APBB2: variants seen among roughly 807,000 people sequenced by gnomAD.
APBB2 encodes Fe65-like 1.
In APBB2, 38 loss-of-function variants were observed where a neutral mutation model predicts 82.5. The observed-to-expected ratio is 0.46, with a 90% CI of 0.36 to 0.60. The LOEUF (loss-of-function observed/expected upper bound fraction) is 0.60, where lower values mean the gene tolerates loss of function less well. APBB2 is among the 20% of genes least tolerant of loss of function. The pLI is 0.00. For missense variants in APBB2, 772 were observed against 972.3 expected, an observed-to-expected ratio of 0.79 and a Z score of 2.74; for synonymous variants, 341 against 368.2, an observed-to-expected ratio of 0.93 and a Z score of 0.85.
chr4:40,918,700 G>A (rs1211170950), intron 10 of APBB2, among the ~76,000 whole-genome samples: 5 of 145,190 alleles, frequency 3.4e-5, no homozygotes, highest in Admixed American at 6.8e-5. Context: ...TCTTTCGGAC[G>A]ACTTCCTTCC....
chr4:41,165,605 G>A (rs1766311255), intron 1 of APBB2, among the ~76,000 whole-genome samples: 2 of 152,050 alleles, frequency 1.3e-5, no homozygotes, highest in African/African-American at 4.8e-5. Context: ...CTAACTATGT[G>A]CTTAGCAATT....
intron 7 of APBB2, among the ~76,000 whole-genome samples, chr4:40,940,507 T>A (rs1020045796): frequency 6.6e-6 from 1 of 152,106 alleles, no homozygotes; most frequent in Non-Finnish European, 1.5e-5. Flanking sequence ...CTTGACTGAG[T>A]GAAGAAGTTC....
intron 1 of APBB2, among the ~76,000 whole-genome samples, chr4:41,186,284 A>G (rs115562413): frequency 0.02 from 2,997 of 152,336 alleles, 44 homozygotes; most frequent in Non-Finnish European, 0.028. Flanking sequence ...TGAACTAAAA[A>G]TAGTAATCAC....
intron 6 of APBB2, among the ~76,000 whole-genome samples, chr4:40,981,124 G>C (rs1423530962): frequency 6.6e-6 from 1 of 152,204 alleles, no homozygotes; most frequent in Admixed American, 6.5e-5. Context: ...CTTGTTTATA[G>C]TGCTAGGGTT....
intron 1 of APBB2, among the ~76,000 whole-genome samples, chr4:41,158,823 T>A (rs1764127242): frequency 6.6e-6 from 1 of 152,136 alleles, no homozygotes; most frequent in Non-Finnish European, 1.5e-5. Context: ...TCTGTCCCGT[T>A]TCTCAAGGTC....
Position 41,127,465 on chromosome 4 carries a change from G to T in APBB2, c.-261+15522C>A, listed in dbSNP as rs1754721574. 6.6e-6 allele frequency among the ~76,000 whole-genome samples: 1 copy of T among 152,198 alleles called. No homozygotes were observed. Among genetic ancestry groups the T allele is most frequent in the African/African-American group, 2.4e-5 (1 of 41,456 alleles). On this transcript the variant is annotated intron_variant, in intron 2 of 17. Coordinates refer to ENST00000508593, the MANE Select transcript of APBB2 (RefSeq NM_004307.2). The surrounding 1 kb of genome is among the most constrained non-coding windows in gnomAD (Gnocchi z 4.8). ...AGCCATTCACTTCTTGGCATGAAAG[G>T]TTGCCTACTGCTGTGTTAATCTAGA...
chr4:40,915,254 C>T (rs1779562721), intron 10 of APBB2, among the ~76,000 whole-genome samples: 1 of 151,960 alleles, frequency 6.6e-6, no homozygotes, highest in Admixed American at 6.6e-5. Flanking sequence ...GGGAAGCCTC[C>T]CTGATTACTT....
At chr4:41,079,080 G>A (rs1736629026) in intron 3 of APBB2, among the ~76,000 whole-genome samples, 1 of 152,230 alleles carries the variant, frequency 6.6e-6, no homozygotes, top group Admixed American at 6.5e-5. Context: ...AAAGGCTGAA[G>A]TGACAGAGTT....
At chr4:41,208,804 CATTT>C (rs1224518828) in intron 1 of APBB2, among the ~76,000 whole-genome samples, 1 of 152,202 alleles carries the variant, frequency 6.6e-6, no homozygotes, top group Admixed American at 6.5e-5. Context: ...CTATACCATT[CATTT>C]CTTTCCATGT....
rs757860618 is a variant in APBB2, at chr4:40,987,714, T to C, written c.835+25869A>G. 2.0e-5 allele frequency among the ~76,000 whole-genome samples: 3 copies of C among 152,186 alleles called. 1 individual carries two copies. Among genetic ancestry groups the C allele is most frequent in the East Asian group, 1.9e-4 (1 of 5,188 alleles). On this transcript the variant is annotated intron_variant, in intron 6 of 17. Coordinates refer to ENST00000508593, the MANE Select transcript of APBB2 (RefSeq NM_004307.2). The stretch of plus-strand genomic sequence containing the variant: ...AGGCAGAAGAGCTTCGGTAAGTAGA[T>C]ATGTACCATCATGTTTGTGAGTGCC...
chr4:41,206,765 T>C (rs1370389357), intron 1 of APBB2, among the ~76,000 whole-genome samples: 1 of 152,180 alleles, frequency 6.6e-6, no homozygotes, highest in African/African-American at 2.4e-5. Flanking sequence ...AAATTCTGAT[T>C]TATTCACTTC....
At chr4:41,099,354 G>A (rs1296018334) in intron 3 of APBB2, among the ~76,000 whole-genome samples, 8 of 152,036 alleles carry the variant, frequency 5.3e-5, no homozygotes, top group African/African-American at 1.7e-4. Context: ...TCAGGCTTCC[G>A]AGTAGCTGGG....
rs532280322 is a variant in APBB2, at chr4:40,965,618, T to A, written c.836-20545A>T. 3.9e-5 allele frequency among the ~76,000 whole-genome samples: 6 copies of A among 152,378 alleles called. No individual in the cohort carries two copies. In the South Asian group the frequency reaches 1.2e-3, roughly 32 times the overall value. ...TGTCAAAATGATATTTTTTATATAT[T>A]GAGTTAAATAAAATAGATGATTAAA... is the stretch of plus-strand genomic sequence containing the variant. On this transcript the variant is annotated intron_variant, in intron 6 of 17. Coordinates refer to ENST00000508593, the MANE Select transcript of APBB2 (RefSeq NM_004307.2).
chr4:41,069,491 G>C lies in APBB2; in HGVS notation c.-148-3818C>G, dbSNP rs972782351. On this transcript the variant is annotated intron_variant, in intron 3 of 17. Coordinates refer to ENST00000508593, the MANE Select transcript of APBB2 (RefSeq NM_004307.2). ...CTCAAAAACTCTAAGACTGCTCTGC[G>C]GTTTGTCTATTCTGTTAACAGGAAC... Among the ~76,000 whole-genome samples, 6 of 152,254 alleles carry C rather than the reference G, an allele frequency of 3.9e-5. 1 individual carries two copies. The South Asian group carries it at 1.2e-3, about 32-fold the overall frequency.
chr4:41,170,832 T>C (rs1768039903), intron 1 of APBB2, among the ~76,000 whole-genome samples: 1 of 152,252 alleles, frequency 6.6e-6, no homozygotes, highest in Admixed American at 6.5e-5. Flanking sequence ...GGGAATTCTT[T>C]GTACTGTTTT....
At chr4:40,949,630 A>C (rs2154383106) in intron 6 of APBB2, among the ~76,000 whole-genome samples, 1 of 152,108 alleles carries the variant, frequency 6.6e-6, no homozygotes, top group South Asian at 2.1e-4. Flanking sequence ...ACAAAACAGG[A>C]GTATTCGACA....
At chr4:40,919,507 G>A (rs574003978) in intron 10 of APBB2, among the ~76,000 whole-genome samples, 1 of 152,290 alleles carries the variant, frequency 6.6e-6, no homozygotes, top group East Asian at 1.9e-4. Context: ...AATCCATGCT[G>A]CTTAATTTAA....
chr4:40,895,049 T>C (rs887191922), intron 10 of APBB2, among the ~76,000 whole-genome samples: 2 of 152,152 alleles, frequency 1.3e-5, no homozygotes, highest in East Asian at 3.8e-4. Flanking sequence ...GTGAGCTTCA[T>C]AACCAAATGA....
chr4:41,064,269 C>T (rs897854630), intron 4 of APBB2, among the ~76,000 whole-genome samples: 5 of 152,096 alleles, frequency 3.3e-5, no homozygotes, highest in African/African-American at 7.2e-5. Flanking sequence ...TGAGCCACCA[C>T]GCCTGGCCCC....
Sources: allele counts gnomAD v4.1 joint callset (sites outside exome capture counted in the v4.1 genomes callset), GRCh38; gene constraint gnomAD v4.1.1; non-coding constraint Gnocchi (gnomAD v3.1); transcripts MANE v1.5; gene names NCBI Gene and HGNC (gene_info 2026-07-23, HGNC 2026-07-21).